Variants in CHMP2B observed in about 807,000 individuals in gnomAD.
The protein encoded by CHMP2B is charged multivesicular body protein 2B.
A neutral mutation model predicts 29.8 loss-of-function variants in CHMP2B; 22 were observed. The ratio of observed to expected loss-of-function variants is 0.74; its 90% CI spans 0.53 to 1.05. CHMP2B has a LOEUF of 1.05. Among genes scored for constraint, CHMP2B ranks in the 50% least tolerant of loss-of-function variants. The probability of loss-of-function intolerance (pLI) is 0.00; values close to 1 mark genes in which losing one functional copy is unlikely to be tolerated. For synonymous variants in CHMP2B, 78 were observed against 75.8 expected, an observed-to-expected ratio of 1.03 and a Z score of -0.15; for missense variants, 261 against 252.2, an observed-to-expected ratio of 1.03 and a Z score of -0.24.
At chr3:87,248,674 G>T (rs925725955) in intron 3 of CHMP2B, among the ~76,000 whole-genome samples, 6 of 150,762 alleles carry the variant, frequency 4.0e-5, no homozygotes, top group African/African-American at 1.5e-4. Context: ...ATCCATGTTA[G>T]TTCTCATAGG....
intron 1 of CHMP2B, among the ~76,000 whole-genome samples, chr3:87,236,116 C>A (rs1436082843): frequency 3.3e-5 from 5 of 152,142 alleles, no homozygotes; most frequent in African/African-American, 1.2e-4. Flanking sequence ...TTCTCTGAAT[C>A]TCTTAGGTAA....
intron 1 of CHMP2B, among the ~76,000 whole-genome samples, chr3:87,233,352 T>C (rs1559605383): frequency 6.6e-6 from 1 of 152,316 alleles, no homozygotes; most frequent in East Asian, 1.9e-4. Context: ...TCCTTCTGCA[T>C]TTGAGTAAAT....
At chr3:87,231,493 A>T (rs529108791) in intron 1 of CHMP2B, among the ~76,000 whole-genome samples, 1 of 152,168 alleles carries the variant, frequency 6.6e-6, no homozygotes, top group East Asian at 1.9e-4. Context: ...TAAATCCTTC[A>T]TCCACAAAGT....
At position 87,253,809 on chromosome 3, in the gene CHMP2B, T is replaced by C; in HGVS notation, c.629T>C (p.Leu210Ser). Residue 210 changes from leucine (L) to serine (S), a missense_variant, in exon 6 of 6, where the codon TTA becomes TCA. Physicochemically the swap from Leu to Ser is moderately radical, Grantham distance 145. Coordinates refer to ENST00000263780, the MANE Select transcript of CHMP2B (RefSeq NM_014043.4). ...DEEIERQLKA[L>S]GVD ...GAGATTGAACGGCAACTCAAGGCTT[T>C]AGGAGTAGATTAGTCAAAAGAAGTC... 6.2e-7 allele frequency: 1 copy of C among 1,610,908 alleles called. No homozygotes were observed. The highest frequency in any genetic ancestry group is 8.5e-7 in the Non-Finnish European group (1 of 1,177,500).
intron 4 of CHMP2B, among the ~76,000 whole-genome samples, chr3:87,250,625 T>C (rs1047260887): frequency 1.2e-4 from 18 of 152,004 alleles, no homozygotes; most frequent in Non-Finnish European, 2.7e-4. Flanking sequence ...GACCTTGACA[T>C]TAAATCTTCT....
intron 2 of CHMP2B, among the ~76,000 whole-genome samples, chr3:87,245,510 A>G (rs1005005926): frequency 6.0e-5 from 9 of 150,962 alleles, no homozygotes; most frequent in Admixed American, 2.0e-4. Flanking sequence ...TGGAGATACT[A>G]GTTCTGTCCT....
At chr3:87,234,846 A>G (rs1381993932) in intron 1 of CHMP2B, among the ~76,000 whole-genome samples, 1 of 152,226 alleles carries the variant, frequency 6.6e-6, no homozygotes, top group Non-Finnish European at 1.5e-5. Flanking sequence ...TCACATTGAA[A>G]AATCGGGGAA....
chr3:87,239,914 T>C (rs923006841), intron 1 of CHMP2B, among the ~76,000 whole-genome samples: 3 of 152,130 alleles, frequency 2.0e-5, no homozygotes, highest in African/African-American at 7.2e-5. Flanking sequence ...TGAGGTGAGA[T>C]TCAAATCCAG....
chr3:87,253,834 C>A lies in CHMP2B; in HGVS notation c.*12C>A. ...TAGGAGTAGATTAGTCAAAAGAAGTCATACTATTTTGCTTACTTATAATTA... is the reference window on the plus strand; with the variant it reads ...TAGGAGTAGATTAGTCAAAAGAAGTAATACTATTTTGCTTACTTATAATTA... On this transcript the variant is annotated 3_prime_UTR_variant, in exon 6 of 6. Coordinates refer to ENST00000263780, the MANE Select transcript of CHMP2B (RefSeq NM_014043.4). 3 of 1,575,160 alleles carry A rather than the reference C, an allele frequency of 1.9e-6. No individual in the cohort carries two copies. The South Asian group carries it at 3.3e-5, about 17-fold the overall frequency.
intron 1 of CHMP2B, among the ~76,000 whole-genome samples, chr3:87,234,240 C>T (rs437825): frequency 6.6e-6 from 1 of 152,174 alleles, no homozygotes; most frequent in Non-Finnish European, 1.5e-5. Flanking sequence ...GTAGAGAATT[C>T]TGGTGAGCTA....
intron 2 of CHMP2B, among the ~76,000 whole-genome samples, chr3:87,244,939 A>G (rs1405014828): frequency 1.3e-5 from 2 of 152,132 alleles, no homozygotes; most frequent in African/African-American, 4.8e-5. Context: ...CATGCTAATT[A>G]TGCATTTGTC....
chr3:87,227,532 C>T lies in CHMP2B; in HGVS notation c.10C>T (p.Leu4Phe), dbSNP rs1452055186. 10 of 1,614,182 alleles carry T rather than the reference C, an allele frequency of 6.2e-6. No homozygotes were observed. In the East Asian group the frequency reaches 2.2e-4, roughly 36 times the overall value. ...GGCGCAGTCTTTAACCATGGCGTCC[C>T]TCTTCAAGAAGAAAACCGTGGATGG... is the stretch of plus-strand genomic sequence containing the variant. Reference protein sequence around the residue: MASLFKKKTVDDVI... With the variant: MASFFKKKTVDDVI... The change falls in exon 1 of 6, where the codon CTC (leucine) becomes TTC (phenylalanine). Residue 4 changes from leucine to phenylalanine, a missense_variant. Transcript: ENST00000263780.
In CHMP2B at chr3:87,254,627, TGAC is replaced by T. The variant is rs1706371944; in HGVS notation, c.*806_*808del. On this transcript the variant is annotated 3_prime_UTR_variant, in exon 6 of 6. Transcript: ENST00000263780. ...GGTTTTCCTGGTCTCAGACCTATGATGACTTGTCCCTTTGATGTCACTACTGTG... is the reference window on the plus strand; with the variant it reads ...GGTTTTCCTGGTCTCAGACCTATGATTTGTCCCTTTGATGTCACTACTGTG... 1.3e-5 allele frequency: 2 copies of T among 151,988 alleles called. No individual in the cohort carries two copies. Among genetic ancestry groups the T allele is most frequent in the Non-Finnish European group, 2.9e-5 (2 of 67,894 alleles). The allele number at this position is 151,988 out of a possible 1,614,324, so 9.4% of individuals were successfully genotyped here. A position where few individuals can be genotyped will look rare whatever the true frequency, so the allele number is the denominator to read the frequency against.
At chr3:87,228,549 CTCCTTCAT>C (rs1399815169) in intron 1 of CHMP2B, among the ~76,000 whole-genome samples, 2 of 152,306 alleles carry the variant, frequency 1.3e-5, no homozygotes, top group South Asian at 2.1e-4. Flanking sequence ...CTGGACGTAA[CTCCTTCAT>C]TCCTTTGTGT....
intron 1 of CHMP2B, among the ~76,000 whole-genome samples, chr3:87,231,498 C>T (rs1209905323): frequency 1.3e-5 from 2 of 152,116 alleles, no homozygotes; most frequent in African/African-American, 2.4e-5. Flanking sequence ...CCTTCATCCA[C>T]AAAGTTGGGT....
chr3:87,253,979 T>C lies in CHMP2B; in HGVS notation c.*157T>C. ...TCCTAACCCATGGCTATTTAGAATC[T>C]TTTGCCAAAGAATGACAATGATGCA... is the stretch of plus-strand genomic sequence containing the variant. On this transcript the variant is annotated 3_prime_UTR_variant, in exon 6 of 6. Transcript: ENST00000263780. 1 of 585,576 alleles carries C rather than the reference T, an allele frequency of 1.7e-6. No homozygotes were observed. The highest frequency in any genetic ancestry group is 3.0e-5 in the East Asian group (1 of 33,172). The allele number at this position is 585,576 out of a possible 1,614,324, so 36.3% of individuals were successfully genotyped here.
In CHMP2B at chr3:87,249,930, A is replaced by C; in HGVS notation, c.377A>C (p.Gln126Pro). 1 of 1,605,940 alleles carries C rather than the reference A, an allele frequency of 6.2e-7. No homozygotes were observed. The highest frequency in any genetic ancestry group is 8.5e-7 in the Non-Finnish European group (1 of 1,174,458). ...CCACAAAAGACATTACAAACAATGC[A>C]GAATTTCCAGAAGGAAAACATGAAA... is the stretch of plus-strand genomic sequence containing the variant. The part of the protein sequence containing the change: ...MDPQKTLQTM[Q>P]NFQKENMKME... The change falls in exon 4 of 6, where the codon CAG becomes CCG. Residue 126 changes from glutamine to proline, a missense_variant. Coordinates refer to ENST00000263780, the MANE Select transcript of CHMP2B (RefSeq NM_014043.4).
At chr3:87,238,299 T>TA (rs1362649296) in intron 1 of CHMP2B, among the ~76,000 whole-genome samples, 1 of 152,232 alleles carries the variant, frequency 6.6e-6, no homozygotes, top group Admixed American at 6.5e-5. Flanking sequence ...AATGGTGTGT[T>TA]ACCACTACCT....
chr3:87,236,730 C>T (rs570706213), intron 1 of CHMP2B, among the ~76,000 whole-genome samples: 240 of 152,020 alleles, frequency 1.6e-3, no homozygotes, highest in African/African-American at 5.3e-3. Context: ...GGCATGGTGG[C>T]GCATGCCTGT....
Sources: gnomAD v4.1 joint callset for allele counts (sites outside exome capture counted in the v4.1 genomes callset) on GRCh38, gnomAD v4.1.1 for gene constraint, MANE v1.5 for transcripts, NCBI Gene and HGNC (gene_info 2026-07-23, HGNC 2026-07-21) for gene names.